ASXL1: variants seen among roughly 807,000 people sequenced by gnomAD.
ASXL1 encodes ASXL transcriptional regulator 1.
ASXL1 carries 65 observed loss-of-function variants against 89.1 expected under a neutral mutation model. The ratio of observed to expected loss-of-function variants is 0.73; its 90% CI spans 0.60 to 0.90. ASXL1 has a LOEUF of 0.90. ASXL1 is among the 40% of genes least tolerant of loss of function. The pLI, the probability that ASXL1 is intolerant of heterozygous loss-of-function variation, is 0.00. For synonymous variants in ASXL1, 739 were observed against 746.9 expected, an observed-to-expected ratio of 0.99 and a Z score of 0.17; for missense variants, 1,786 against 1,942.9, an observed-to-expected ratio of 0.92 and a Z score of 1.52.
chr20:32,408,288 G>A (rs982724106), intron 4 of ASXL1, among the ~76,000 whole-genome samples: 1 of 152,080 alleles, frequency 6.6e-6, no homozygotes, highest in African/African-American at 2.4e-5. Flanking sequence ...GCGTTTTTAC[G>A]TGTTTATCTT....
intron 1 of ASXL1, among the ~76,000 whole-genome samples, chr20:32,363,509 A>G (rs2048156318): frequency 6.6e-6 from 1 of 152,258 alleles, no homozygotes; most frequent in Non-Finnish European, 1.5e-5. Context: ...TACTACAGTC[A>G]TGATACGTGT....
intron 4 of ASXL1, among the ~76,000 whole-genome samples, chr20:32,370,747 G>T (rs888267459): frequency 6.6e-6 from 1 of 152,004 alleles, no homozygotes; most frequent in Non-Finnish European, 1.5e-5. Flanking sequence ...TCAGATGTCT[G>T]TGCTGTTTTC....
intron 4 of ASXL1, among the ~76,000 whole-genome samples, chr20:32,369,339 C>T (rs2048258927): frequency 6.6e-6 from 1 of 152,070 alleles, no homozygotes; most frequent in Non-Finnish European, 1.5e-5. Flanking sequence ...ATCTCTGCCT[C>T]CCATGTTCAA....
In ASXL1 at chr20:32,429,697, A is replaced by G; in HGVS notation, c.566-204A>G. The G allele has an allele frequency of 1.3e-6, 1 of 748,794 alleles. No individual in the cohort carries two copies. The highest frequency in any genetic ancestry group is 2.1e-6 in the Non-Finnish European group (1 of 468,574). The allele number at this position is 748,794 out of a possible 1,614,324, so 46.4% of individuals were successfully genotyped here. A position where few individuals can be genotyped will look rare whatever the true frequency, so the allele number is the denominator to read the frequency against. ...TTGTAAAAGGTGTAGTGCTATACAA[A>G]TAAAGATGGCAGTTTGGCACCTGTA... On this transcript the variant is annotated intron_variant, in intron 7 of 12. Transcript: ENST00000375687. The surrounding 1 kb of genome is among the most constrained non-coding windows in gnomAD (Gnocchi z 4.9).
intron 4 of ASXL1, among the ~76,000 whole-genome samples, chr20:32,382,922 G>A (rs932621070): frequency 6.6e-6 from 1 of 152,090 alleles, no homozygotes; most frequent in Non-Finnish European, 1.5e-5. Context: ...AGTGAGGGAG[G>A]AGCTCTCAAG....
rs775831641 is a variant in ASXL1 at position 32,366,391 on chromosome 20, A to G, written c.65A>G (p.Glu22Gly). ...TWAEAARLVLENYSDAPMTPK... is the reference protein window; with the variant it reads ...TWAEAARLVLGNYSDAPMTPK... ...ACGTTTATATTTCTTCAGGTATTAG[A>G]AAACTACTCGGATGCTCCAATGACA... Residue 22 changes from glutamate to glycine, a missense_variant, in exon 2 of 13, where the codon GAA (glutamate) becomes GGA (glycine). Around this residue, in one of 3 missense-constraint regions of ASXL1, gnomAD observed 332 missense variants for 449.7 expected, o/e 0.74. Coordinates refer to ENST00000375687, the MANE Select transcript of ASXL1 (RefSeq NM_015338.6). 1.2e-6 allele frequency: 2 copies of G among 1,612,414 alleles called. No individual in the cohort carries two copies. The highest frequency in any genetic ancestry group is 1.7e-6 in the Non-Finnish European group (2 of 1,178,424).
At chr20:32,398,842 C>T (rs2048818205) in intron 4 of ASXL1, among the ~76,000 whole-genome samples, 1 of 151,400 alleles carries the variant, frequency 6.6e-6, no homozygotes, top group Admixed American at 6.6e-5. Context: ...ATCTCCTGAC[C>T]TCGTGATCCG....
chr20:32,387,772 C>A (rs2048604170), intron 4 of ASXL1, among the ~76,000 whole-genome samples: 2 of 152,168 alleles, frequency 1.3e-5, no homozygotes, highest in Admixed American at 6.5e-5. Context: ...GTTATATCCC[C>A]ATCCTGGATA....
chr20:32,434,012 A>T, intron 12 of ASXL1, 95 bp downstream of exon 12: 14 of 1,528,392 alleles, frequency 9.2e-6, no homozygotes, highest in Non-Finnish European at 1.3e-5. Context: ...CCTGAAGTTA[A>T]TTATGTGGGA....
At chr20:32,404,513 C>T (rs1201765794) in intron 4 of ASXL1, among the ~76,000 whole-genome samples, 2 of 152,090 alleles carry the variant, frequency 1.3e-5, no homozygotes, top group Non-Finnish European at 2.9e-5. Context: ...TATAAACTCA[C>T]TTATTAGTTC....
chr20:32,379,168 T>C, intron 4 of ASXL1, among the ~76,000 whole-genome samples: 1 of 6,622 alleles, frequency 1.5e-4, no homozygotes, highest in African/African-American at 3.2e-4. Context: ...AGTCTTTTTT[T>C]TTTTTTTTTT....
Position 32,434,821 on chromosome 20 carries a change from TG to T in ASXL1, c.2113del (p.Glu705SerfsTer20), listed in dbSNP as rs778670589. On this transcript the variant is annotated frameshift_variant, in exon 13 of 13. Coordinates refer to ENST00000375687, the MANE Select transcript of ASXL1 (RefSeq NM_015338.6). LOFTEE classifies it low-confidence loss of function (END_TRUNC). ...TQLLPPYPLN[G>X]EHTQAGTAMS... ...AACTACTGCCGCCTTATCCTCTAAA[TG>T]GGGAGCATACCCAGGCCGGAACTGC... 1.9e-6 allele frequency: 3 copies of T among 1,614,074 alleles called. No homozygotes were observed. Among genetic ancestry groups the T allele is most frequent in the Non-Finnish European group, 2.5e-6 (3 of 1,180,026 alleles).
Position 32,390,732 on chromosome 20 carries a change from G to A in ASXL1, c.252+21609G>A, listed in dbSNP as rs149889570. Among the ~76,000 whole-genome samples the A allele has an allele frequency of 3.7e-3, 565 of 152,116 alleles. 5 individuals carry two copies. The highest frequency in any genetic ancestry group is 6.8e-3 in the Middle Eastern group (2 of 294). Reference sequence around the variant, plus strand: ...CTTCTTTTTTCACCCCCAGCTCCTGGTGACCACTGATTTGTTCTCTGTCCT... The same window carrying A: ...CTTCTTTTTTCACCCCCAGCTCCTGATGACCACTGATTTGTTCTCTGTCCT... On this transcript the variant is annotated intron_variant, in intron 4 of 12. Coordinates refer to ENST00000375687, the MANE Select transcript of ASXL1 (RefSeq NM_015338.6).
intron 2 of ASXL1, chr20:32,366,685 C>T: frequency 1.7e-6 from 1 of 590,784 alleles, no homozygotes; most frequent in South Asian, 7.4e-5. Context: ...TGGCTTTCCC[C>T]ATCTCCTTGT....
At chr20:32,369,342 A>G (rs550983921) in intron 4 of ASXL1, among the ~76,000 whole-genome samples, 2 of 151,908 alleles carry the variant, frequency 1.3e-5, no homozygotes, top group South Asian at 2.1e-4. Flanking sequence ...TCTGCCTCCC[A>G]TGTTCAAGTG....
At chr20:32,417,091 C>T (rs2049150627) in intron 4 of ASXL1, among the ~76,000 whole-genome samples, 1 of 152,164 alleles carries the variant, frequency 6.6e-6, no homozygotes, top group Non-Finnish European at 1.5e-5. Flanking sequence ...TGTAGATTGA[C>T]AGGTCTAGGT....
At chr20:32,425,702 G>A (rs1462047991) in intron 4 of ASXL1, among the ~76,000 whole-genome samples, 1 of 151,598 alleles carries the variant, frequency 6.6e-6, no homozygotes, top group Non-Finnish European at 1.5e-5. Flanking sequence ...ATTTATATTT[G>A]TTCCCCCTCT....
intron 1 of ASXL1, chr20:32,359,289 A>G: frequency 1.4e-6 from 1 of 702,568 alleles, no homozygotes; most frequent in South Asian, 1.5e-5. Flanking sequence ...GCGACCCCAC[A>G]TTCAAGGACG....
At chr20:32,411,374 C>T (rs2049043919) in intron 4 of ASXL1, among the ~76,000 whole-genome samples, 2 of 149,220 alleles carry the variant, frequency 1.3e-5, no homozygotes, top group African/African-American at 4.9e-5. Context: ...GTTACAGGTG[C>T]CTGCCACCAT....
Sources: gnomAD v4.1 joint callset for allele counts (sites outside exome capture counted in the v4.1 genomes callset) on GRCh38, gnomAD v4.1.1 for gene constraint, gnomAD v4.1.1 regional missense constraint, Gnocchi (gnomAD v3.1) non-coding constraint, MANE v1.5 for transcripts, NCBI Gene and HGNC (gene_info 2026-07-23, HGNC 2026-07-21) for gene names.